Variants in MCTP2 observed in about 807,000 individuals in gnomAD.
MCTP2 encodes the protein multiple C2 and transmembrane domain containing 2.
MCTP2 carries 132 observed loss-of-function variants against 111.6 expected under a neutral mutation model. The ratio of observed to expected loss-of-function variants is 1.18; its 90% CI spans 1.03 to 1.37. MCTP2 has a LOEUF of 1.37. Among genes scored for constraint, MCTP2 ranks in the 40% most tolerant of loss-of-function variants. The pLI is 0.00. For missense variants in MCTP2, 1,183 were observed against 1,067.9 expected, an observed-to-expected ratio of 1.11 and a Z score of -1.50; for synonymous variants, 395 against 387.7, an observed-to-expected ratio of 1.02 and a Z score of -0.22.
At chr15:94,476,649 TAGA>T in intron 21 of MCTP2, 44 bp from the exon 22 acceptor site, 3 of 736,432 alleles carry the variant, frequency 4.1e-6, no homozygotes, top group Non-Finnish European at 6.6e-6. Context: ...GATAGATAGA[TAGA>T]CAGACAGACA....
rs1177130017 is a variant in MCTP2 at position 94,390,120 on chromosome 15, A to ATG, written c.1788+4596_1788+4597insGT. Among the ~76,000 whole-genome samples, 112 of 134,164 alleles carry ATG rather than the reference A, an allele frequency of 8.3e-4. 2 individuals carry two copies. Among genetic ancestry groups the ATG allele is most frequent in the African/African-American group, 3.6e-3 (108 of 30,122 alleles). The allele number at this position is 134,164 out of a possible 152,430, so 88.0% of individuals were successfully genotyped here. A position where few individuals can be genotyped will look rare whatever the true frequency, so the allele number is the denominator to read the frequency against. Reference sequence around the variant, plus strand: ...TATATATATATATATATATGTATATATATATATATATACTTAGATGTTTAT... The same window carrying ATG: ...TATATATATATATATATATGTATATATGTATATATATATACTTAGATGTTTAT... On this transcript the variant is annotated intron_variant, in intron 14 of 22. Transcript: ENST00000357742.
At chr15:94,357,171 G>C (rs548019660) in intron 9 of MCTP2, among the ~76,000 whole-genome samples, 1 of 152,282 alleles carries the variant, frequency 6.6e-6, no homozygotes, top group East Asian at 1.9e-4. Context: ...TGTGCGCACT[G>C]CACAATTTTC....
chr15:94,320,212 G>A (rs1020302087), intron 4 of MCTP2, among the ~76,000 whole-genome samples: 5 of 149,350 alleles, frequency 3.3e-5, no homozygotes, highest in East Asian at 4.0e-4. Context: ...GCACAGACTC[G>A]GCTCACTGCA....
At chr15:94,332,266 G>GTTTTTA (rs56204818) in intron 4 of MCTP2, among the ~76,000 whole-genome samples, 26,957 of 151,738 alleles carry the variant, frequency 0.18, 2,856 homozygotes, top group East Asian at 0.31. Context: ...TAGAAACAAC[G>GTTTTTA]TTTTTATTTT....
At chr15:94,269,217 C>G (rs1235709446) in intron 1 of MCTP2, among the ~76,000 whole-genome samples, 1 of 152,092 alleles carries the variant, frequency 6.6e-6, no homozygotes, top group South Asian at 2.1e-4. Flanking sequence ...AAGCTCTGTT[C>G]AAGTTCACTT....
At chr15:94,292,657 G>C (rs2075086507) in intron 1 of MCTP2, among the ~76,000 whole-genome samples, 1 of 152,170 alleles carries the variant, frequency 6.6e-6, no homozygotes, top group South Asian at 2.1e-4. Flanking sequence ...TTGTATTGGA[G>C]ACTAAACATA....
intron 1 of MCTP2, among the ~76,000 whole-genome samples, chr15:94,251,075 A>G (rs1044098209): frequency 6.6e-6 from 1 of 152,202 alleles, no homozygotes; most frequent in Non-Finnish European, 1.5e-5. Flanking sequence ...TAGTAATTTC[A>G]CATAAACATT....
At chr15:94,396,302 G>T (rs1352681225) in intron 14 of MCTP2, among the ~76,000 whole-genome samples, 1 of 152,050 alleles carries the variant, frequency 6.6e-6, no homozygotes, top group Non-Finnish European at 1.5e-5. Flanking sequence ...TTAATGAAAA[G>T]TATATATAGA....
In MCTP2 at chr15:94,244,074, A is replaced by G. The variant is rs530319305; in HGVS notation, c.-66+12410A>G. Among the ~76,000 whole-genome samples the G allele has an allele frequency of 4.2e-3, 599 of 144,118 alleles. 6 individuals are homozygous for G. Among genetic ancestry groups the G allele is most frequent in the African/African-American group, 0.015 (572 of 38,128 alleles). The allele number at this position is 144,118 out of a possible 152,430, so 94.5% of individuals were successfully genotyped here. A position where few individuals can be genotyped will look rare whatever the true frequency, so the allele number is the denominator to read the frequency against. ...TGTATACACATACATATGTGTATAT[A>G]TTTATGCACACATATGTATACACAT... On this transcript the variant is annotated intron_variant, in intron 1 of 22. Coordinates refer to ENST00000357742, the MANE Select transcript of MCTP2 (RefSeq NM_001385001.1).
At chr15:94,309,298 A>G (rs977809139) in intron 2 of MCTP2, among the ~76,000 whole-genome samples, 1 of 152,138 alleles carries the variant, frequency 6.6e-6, no homozygotes, top group African/African-American at 2.4e-5. Flanking sequence ...ATTCTTAAAT[A>G]TACATATTCT....
chr15:94,452,176 T>TACTA (rs1567735844), intron 19 of MCTP2, among the ~76,000 whole-genome samples: 1 of 152,286 alleles, frequency 6.6e-6, no homozygotes, highest in South Asian at 2.1e-4. Flanking sequence ...TACATGGAAA[T>TACTA]ACTAATACTA....
intron 5 of MCTP2, among the ~76,000 whole-genome samples, chr15:94,339,683 A>G (rs2077535446): frequency 6.6e-6 from 1 of 152,336 alleles, no homozygotes; most frequent in East Asian, 1.9e-4. Context: ...AAGAATTATT[A>G]CTGGTACTGC....
rs2083876170 is a variant in MCTP2, at chr15:94,443,045, C to T, written c.2250+85C>T. ...TTCCTTCAGGTTGAGTCTCTCTCCT[C>T]TCTTTTTTTTTTTTTTTTTAATATG... is the stretch of plus-strand genomic sequence containing the variant. On this transcript the variant is annotated intron_variant, in intron 19 of 22. Coordinates refer to ENST00000357742, the MANE Select transcript of MCTP2 (RefSeq NM_001385001.1). 3 of 849,494 alleles carry T rather than the reference C, an allele frequency of 3.5e-6. No homozygotes were observed. In the South Asian group the frequency reaches 6.2e-5, roughly 18 times the overall value. The allele number at this position is 849,494 out of a possible 1,614,324, so 52.6% of individuals were successfully genotyped here.
chr15:94,338,369 C>T (rs1474383887), intron 4 of MCTP2, among the ~76,000 whole-genome samples: 1 of 152,144 alleles, frequency 6.6e-6, no homozygotes, highest in Non-Finnish European at 1.5e-5. Flanking sequence ...TCATTTGTGC[C>T]TCCTCCTTCC....
intron 11 of MCTP2, among the ~76,000 whole-genome samples, chr15:94,369,325 A>C (rs2152437041): frequency 6.6e-6 from 1 of 152,314 alleles, no homozygotes; most frequent in Non-Finnish European, 1.5e-5. Flanking sequence ...TGATGACAGA[A>C]ATAGCATGTC....
intron 1 of MCTP2, among the ~76,000 whole-genome samples, chr15:94,278,716 A>T (rs1208173716): frequency 1.3e-5 from 2 of 151,570 alleles, no homozygotes; most frequent in African/African-American, 4.8e-5. Flanking sequence ...TTTTTTGAAA[A>T]TCCCTCTCTC....
intron 13 of MCTP2, among the ~76,000 whole-genome samples, chr15:94,384,978 CAG>C (rs886734381): frequency 2.4e-4 from 37 of 152,274 alleles, no homozygotes; most frequent in African/African-American, 8.2e-4. Context: ...GTTTCAACAA[CAG>C]AGGGTTTCTA....
rs1025226954 is a variant in MCTP2 at position 94,482,273 on chromosome 15, G to C, written c.*3239G>C. ...ATAGCCTAGCAATTTTCAAAGTTTA[G>C]AGAAGTTATTAATATTAGCCCTTTG... On this transcript the variant is annotated 3_prime_UTR_variant, in exon 23 of 23. Transcript: ENST00000357742. 1 of 152,116 alleles carries C rather than the reference G, an allele frequency of 6.6e-6. No individual in the cohort carries two copies. The highest frequency in any genetic ancestry group is 1.5e-5 in the Non-Finnish European group (1 of 68,016). The allele number at this position is 152,116 out of a possible 1,614,324, so 9.4% of individuals were successfully genotyped here.
At chr15:94,358,702 A>G in intron 10 of MCTP2, 90 bp downstream of exon 10, 1 of 1,464,738 alleles carries the variant, frequency 6.8e-7, no homozygotes, top group Non-Finnish European at 9.3e-7. Context: ...GGCTGAGGGC[A>G]CTACCTTGCA....
Sources: allele counts gnomAD v4.1 joint callset (sites outside exome capture counted in the v4.1 genomes callset), GRCh38; gene constraint gnomAD v4.1.1; transcripts MANE v1.5; gene names NCBI Gene and HGNC (gene_info 2026-07-23, HGNC 2026-07-21).